The following NFASC variants were observed in gnomAD, a reference collection of about 807,000 sequenced individuals.
NFASC encodes neurofascin homolog.
NFASC carries 43 observed loss-of-function variants against 147.5 expected under a neutral mutation model. That is an observed-to-expected ratio of 0.29 (90% CI 0.23 to 0.38). The LOEUF (loss-of-function observed/expected upper bound fraction) is 0.38, where lower values mean the gene tolerates loss of function less well. Among genes scored for constraint, NFASC ranks in the 10% least tolerant of loss-of-function variants. The pLI is 1.00. For missense variants in NFASC, 1,320 were observed against 1,689.0 expected, an observed-to-expected ratio of 0.78 and a Z score of 3.83; for synonymous variants, 622 against 665.5, an observed-to-expected ratio of 0.93 and a Z score of 1.01.
At position 204,922,829 on chromosome 1, in the gene NFASC, A is replaced by G. The variant is rs115421422; in HGVS notation, c.-91+2089A>G. 9.7e-3 allele frequency among the ~76,000 whole-genome samples: 1,476 copies of G among 152,330 alleles called. 24 individuals are homozygous for G. Among genetic ancestry groups the G allele is most frequent in the African/African-American group, 0.034 (1,412 of 41,574 alleles). On this transcript the variant is annotated intron_variant, in intron 2 of 29. Coordinates refer to ENST00000339876, the MANE Select transcript of NFASC (RefSeq NM_001005388.3). The stretch of plus-strand genomic sequence containing the variant: ...CAGGACATACGGCTGTTGAGCGTAC[A>G]GTAAGTTCTGAGAGAAGGGAAGCTG...
chr1:204,997,484 C>A, intron 25 of NFASC, 78 bp downstream of exon 25: 1 of 1,502,606 alleles, frequency 6.7e-7, no homozygotes, highest in South Asian at 1.2e-5. Flanking sequence ...CACAGGCTCC[C>A]CCAGCGAGGA....
Position 204,997,349 on chromosome 1 carries a change from A to ACCACCACCACGGAGAGTCCTC in NFASC, c.2973_2993dup (p.Glu992_Thr998dup). ...AACTACTACAACCACTGCTGCCGCCACCACCACCACGGAGAGTCCTCCCAC... is the reference window on the plus strand; with the variant it reads ...AACTACTACAACCACTGCTGCCGCCACCACCACCACGGAGAGTCCTCCCACCACCACGGAGAGTCCTCCCAC... On this transcript the variant is annotated inframe_insertion, in exon 25 of 30. Coordinates refer to ENST00000339876, the MANE Select transcript of NFASC (RefSeq NM_001005388.3). 3.2e-6 allele frequency: 5 copies of ACCACCACCACGGAGAGTCCTC among 1,558,070 alleles called. No homozygotes were observed. The South Asian group carries it at 4.7e-5, about 15-fold the overall frequency.
chr1:204,853,653 A>G (rs557006794), intron 1 of NFASC, among the ~76,000 whole-genome samples: 8 of 152,188 alleles, frequency 5.3e-5, no homozygotes, highest in Non-Finnish European at 1.2e-4. Flanking sequence ...CACAGCTGCT[A>G]TCTCTTGGTA....
chr1:204,931,694 A>G (rs1016275577), intron 2 of NFASC, among the ~76,000 whole-genome samples: 2 of 152,084 alleles, frequency 1.3e-5, no homozygotes, highest in Non-Finnish European at 1.5e-5. Context: ...TTTCAAACTG[A>G]ATATATTCTG....
At chr1:204,974,967 C>A in intron 14 of NFASC, 144 bp downstream of exon 14, 1 of 855,828 alleles carries the variant, frequency 1.2e-6, no homozygotes, top group Non-Finnish European at 1.8e-6. Context: ...CCTGTGGAGT[C>A]CTTTTAGGAT....
intron 2 of NFASC, among the ~76,000 whole-genome samples, chr1:204,937,268 C>A (rs2595952): frequency 0.17 from 26,028 of 152,080 alleles, 3,030 homozygotes; most frequent in African/African-American, 0.33. Context: ...ACCATACTAA[C>A]GTGTTCGTTA....
At position 205,002,315 on chromosome 1, in the gene NFASC, T is replaced by C. The variant is rs141719184; in HGVS notation, c.3137-281T>C. ...CTGACAAGCTGAGAGTTTAAGGAAG[T>C]AGGTTATAATATGTCTAGTGTGAAG... is the stretch of plus-strand genomic sequence containing the variant. On this transcript the variant is annotated intron_variant, in intron 26 of 29. Transcript: ENST00000339876. Among the ~76,000 whole-genome samples the C allele has an allele frequency of 5.9e-5, 9 of 152,174 alleles. No homozygotes were observed. In the East Asian group the frequency reaches 1.7e-3, roughly 29 times the overall value.
intron 1 of NFASC, among the ~76,000 whole-genome samples, chr1:204,845,034 G>A (rs1261039423): frequency 1.3e-5 from 2 of 152,182 alleles, no homozygotes; most frequent in African/African-American, 2.4e-5. Context: ...CATTGTATGA[G>A]GGTGAAGTTT....
chr1:204,946,422 A>G (rs1003228485), intron 3 of NFASC: 1 of 446,260 alleles, frequency 2.2e-6, no homozygotes, highest in South Asian at 1.5e-5. Flanking sequence ...TCCTTCTGCA[A>G]TGCCATTCCA....
chr1:204,972,446 C>T (rs2095289080), intron 11 of NFASC, among the ~76,000 whole-genome samples: 1 of 152,192 alleles, frequency 6.6e-6, no homozygotes, highest in African/African-American at 2.4e-5. Context: ...CCCCATCTTA[C>T]AGAAGAAGGA....
At chr1:204,962,089 C>T in intron 8 of NFASC, 1 of 1,608,880 alleles carries the variant, frequency 6.2e-7, no homozygotes. Context: ...GTTTGCTCAC[C>T]CTCTTTTGTT....
At chr1:205,000,640 C>G in intron 25 of NFASC, 1 of 171,698 alleles carries the variant, frequency 5.8e-6, no homozygotes. Flanking sequence ...GTTAAAGCCT[C>G]AAATGGCACA....
At chr1:204,884,239 T>A (rs1051771957) in intron 1 of NFASC, among the ~76,000 whole-genome samples, 1 of 152,102 alleles carries the variant, frequency 6.6e-6, no homozygotes, top group Non-Finnish European at 1.5e-5. Context: ...AGCATCTATA[T>A]GTAGGGCAGC....
chr1:204,935,262 G>C (rs555166685), intron 2 of NFASC, among the ~76,000 whole-genome samples: 1 of 152,142 alleles, frequency 6.6e-6, no homozygotes, highest in African/African-American at 2.4e-5. Context: ...CGTAAAGACA[G>C]TGTGGAAGTA....
At chr1:204,843,131 G>A (rs1034431153) in intron 1 of NFASC, among the ~76,000 whole-genome samples, 1 of 152,116 alleles carries the variant, frequency 6.6e-6, no homozygotes, top group African/African-American at 2.4e-5. Flanking sequence ...TTGCAGCTGG[G>A]GCTTCTGAGA....
At chr1:204,895,050 G>A (rs1341434653) in intron 1 of NFASC, among the ~76,000 whole-genome samples, 2 of 152,150 alleles carry the variant, frequency 1.3e-5, no homozygotes, top group Admixed American at 6.5e-5. Context: ...AATGTCTTCT[G>A]TGTTGCTTGC....
chr1:204,859,835 C>A (rs534963465), intron 1 of NFASC, among the ~76,000 whole-genome samples: 16 of 152,268 alleles, frequency 1.1e-4, no homozygotes, highest in African/African-American at 3.9e-4. Context: ...GTTTGTAAAT[C>A]CTCATGCACA....
intron 1 of NFASC, among the ~76,000 whole-genome samples, chr1:204,899,959 T>G (rs1245509691): frequency 6.6e-6 from 1 of 152,206 alleles, no homozygotes; most frequent in Non-Finnish European, 1.5e-5. Flanking sequence ...AAAGCGGGTG[T>G]CATGATAATA....
intron 1 of NFASC, among the ~76,000 whole-genome samples, chr1:204,859,044 C>T (rs1165954839): frequency 6.6e-6 from 1 of 150,520 alleles, no homozygotes; most frequent in African/African-American, 2.5e-5. Context: ...GTGACGCAGT[C>T]TCGGCTCACT....
Sources: gnomAD v4.1 joint callset for allele counts (sites outside exome capture counted in the v4.1 genomes callset) on GRCh38, gnomAD v4.1.1 for gene constraint, MANE v1.5 for transcripts, NCBI Gene and HGNC (gene_info 2026-07-23, HGNC 2026-07-21) for gene names.